Variants in CHKA observed in about 807,000 individuals in gnomAD.
The protein encoded by CHKA is CHETK-alpha.
In CHKA, 34 loss-of-function variants were observed where a neutral mutation model predicts 60.1. The ratio of observed to expected loss-of-function variants is 0.57; its 90% confidence interval spans 0.43 to 0.75. CHKA has a LOEUF of 0.75. Ranked by LOEUF, CHKA falls within the 30% of genes least tolerant of loss-of-function variation. The pLI is 0.00. For missense variants in CHKA, 563 were observed against 561.3 expected (o/e 1.00, Z -0.03); for synonymous variants, 217 against 223.1 (o/e 0.97, Z 0.24).
chr11:68,076,085 T>C (rs1407994556), intron 3 of CHKA, among the ~76,000 whole-genome samples: 1 of 152,212 alleles, frequency 6.6e-6, no homozygotes, highest in Non-Finnish European at 1.5e-5. Flanking sequence ...AAAAAGTATT[T>C]TGGTCACTTT....
intron 11 of CHKA, among the ~76,000 whole-genome samples, chr11:68,057,832 C>G (rs1294707305): frequency 1.3e-5 from 2 of 152,184 alleles, no homozygotes; most frequent in Non-Finnish European, 2.9e-5. Flanking sequence ...CTGTTGAGTA[C>G]CAGGTGATTA....
chr11:68,120,949 G>C lies in CHKA; in HGVS notation c.229C>G (p.Pro77Ala). 2 of 1,173,804 alleles carry C rather than the reference G, an allele frequency of 1.7e-6. No individual in the cohort carries two copies. The highest frequency in any genetic ancestry group is 2.1e-6 in the Non-Finnish European group (2 of 945,676). 72.7% of individuals were successfully genotyped at this position (1,173,804 alleles called of 1,614,324 possible). The change falls in exon 1 of 12, where the codon CCG (proline) becomes GCG (alanine). Residue 77 changes from proline to alanine, a missense_variant. By Grantham distance (27) the Pro-to-Ala change is conservative. Transcript: ENST00000265689. ...LPLPQPPPPQ[P>A]PADEQPEPRT... Reference sequence around the variant, plus strand: ...GGCTCCGGCTGCTCGTCTGCGGGCGGCTGCGGCGGCGGGGGCTGGGGCAGC... The same window carrying C: ...GGCTCCGGCTGCTCGTCTGCGGGCGCCTGCGGCGGCGGGGGCTGGGGCAGC...
chr11:68,093,212 C>A (rs1857406366), intron 2 of CHKA, among the ~76,000 whole-genome samples: 1 of 152,096 alleles, frequency 6.6e-6, no homozygotes, highest in African/African-American at 2.4e-5. Flanking sequence ...GTTGCCCAGG[C>A]TGGTTTCAAA....
intron 1 of CHKA, among the ~76,000 whole-genome samples, chr11:68,102,698 A>C (rs1857771738): frequency 6.6e-6 from 1 of 152,212 alleles, no homozygotes; most frequent in Non-Finnish European, 1.5e-5. Flanking sequence ...AAAAATAAAC[A>C]AATAGGATTA....
chr11:68,113,533 A>G (rs1003024169), intron 1 of CHKA, among the ~76,000 whole-genome samples: 7 of 151,780 alleles, frequency 4.6e-5, no homozygotes, highest in Admixed American at 1.3e-4. Flanking sequence ...CACCTCTACT[A>G]AAAATACAAA....
chr11:68,097,561 G>A (rs746062800), intron 1 of CHKA, among the ~76,000 whole-genome samples: 10 of 151,322 alleles, frequency 6.6e-5, no homozygotes, highest in South Asian at 2.1e-4. Context: ...GCATGAACCC[G>A]GGAGGCGAAG....
chr11:68,112,512 G>A (rs1318120672), intron 1 of CHKA, among the ~76,000 whole-genome samples: 1 of 152,096 alleles, frequency 6.6e-6, no homozygotes, highest in Non-Finnish European at 1.5e-5. Flanking sequence ...CACCCATCTT[G>A]TCCTCCCCAA....
chr11:68,064,884 G>A (rs988119001), intron 9 of CHKA, among the ~76,000 whole-genome samples: 5 of 152,146 alleles, frequency 3.3e-5, no homozygotes, highest in African/African-American at 4.8e-5. Context: ...ATTTAGAGTA[G>A]CACTTAAAAC....
chr11:68,082,136 T>C (rs545779534), intron 2 of CHKA: 7 of 151,978 alleles, frequency 4.6e-5, no homozygotes, highest in East Asian at 3.9e-4. Flanking sequence ...CTCAATGAAA[T>C]TGCAAATTTA....
intron 1 of CHKA, among the ~76,000 whole-genome samples, chr11:68,111,043 CA>C (rs1858114737): frequency 6.6e-6 from 1 of 150,468 alleles, no homozygotes; most frequent in Non-Finnish European, 1.5e-5. Flanking sequence ...TCAGGAGAGG[CA>C]AAAAACCTAG....
chr11:68,108,817 T>C (rs1250353179), intron 1 of CHKA, among the ~76,000 whole-genome samples: 1 of 152,134 alleles, frequency 6.6e-6, no homozygotes, highest in Admixed American at 6.5e-5. Context: ...ATACAGAGAA[T>C]CACAGTTTAC....
intron 1 of CHKA, among the ~76,000 whole-genome samples, chr11:68,103,086 T>G (rs1857787839): frequency 6.6e-6 from 1 of 152,162 alleles, no homozygotes; most frequent in African/African-American, 2.4e-5. Flanking sequence ...AAGTAAGCTA[T>G]GAATGCACCA....
intron 1 of CHKA, among the ~76,000 whole-genome samples, chr11:68,120,048 G>GAGAA (rs1436675070): frequency 6.6e-6 from 1 of 152,006 alleles, no homozygotes. Flanking sequence ...AACGAACATG[G>GAGAA]AGAAACCTTG....
chr11:68,102,844 G>C (rs1857776418), intron 1 of CHKA, among the ~76,000 whole-genome samples: 3 of 152,026 alleles, frequency 2.0e-5, no homozygotes. Flanking sequence ...TCACAGCAAA[G>C]AAAGGAAAGG....
At chr11:68,101,637 T>C (rs1234344379) in intron 1 of CHKA, among the ~76,000 whole-genome samples, 1 of 150,562 alleles carries the variant, frequency 6.6e-6, no homozygotes. Context: ...AAAACAATCC[T>C]GTTTACAATA....
intron 1 of CHKA, among the ~76,000 whole-genome samples, chr11:68,116,538 T>C (rs2153032870): frequency 6.6e-6 from 1 of 152,126 alleles, no homozygotes; most frequent in South Asian, 2.1e-4. Flanking sequence ...ATGTGAAACC[T>C]TGTATCTACT....
At chr11:68,112,421 C>CTAATT (rs1858191295) in intron 1 of CHKA, among the ~76,000 whole-genome samples, 1 of 152,052 alleles carries the variant, frequency 6.6e-6, no homozygotes, top group Non-Finnish European at 1.5e-5. Flanking sequence ...CTACACCAGA[C>CTAATT]TAATTTTTTT....
rs559943668 is a variant in CHKA, at chr11:68,057,191, A to T, written c.1315-3144T>A. On this transcript the variant is annotated intron_variant, in intron 11 of 11. Transcript: ENST00000265689. ...TCTTCTGTGGTGATGATTGTTGCTG[A>T]TGAAAGGAATGGGAAAAAGCACTTT... 2.0e-5 allele frequency among the ~76,000 whole-genome samples: 3 copies of T among 152,320 alleles called. No homozygotes were observed. The East Asian group carries it at 5.8e-4, about 29-fold the overall frequency.
intron 2 of CHKA, among the ~76,000 whole-genome samples, chr11:68,094,850 A>C (rs1857448809): frequency 6.6e-6 from 1 of 152,182 alleles, no homozygotes; most frequent in Non-Finnish European, 1.5e-5. Flanking sequence ...TTAGATCTTA[A>C]CCATTTCCAC....
Sources: gnomAD v4.1 joint callset for allele counts (sites outside exome capture counted in the v4.1 genomes callset) on GRCh38, gnomAD v4.1.1 for gene constraint, MANE v1.5 for transcripts, NCBI Gene and HGNC (gene_info 2026-07-23, HGNC 2026-07-21) for gene names.